Variants in FAM107B observed in about 807,000 individuals in gnomAD.
FAM107B encodes family with sequence similarity 107 member B.
FAM107B carries 21 observed loss-of-function variants against 31.5 expected under a neutral mutation model. The ratio of observed to expected loss-of-function variants is 0.67; its 90% CI spans 0.47 to 0.96. The LOEUF (loss-of-function observed/expected upper bound fraction) is 0.96, where lower values mean the gene tolerates loss of function less well. FAM107B is among the 40% of genes least tolerant of loss of function. The pLI, the probability that FAM107B is intolerant of heterozygous loss-of-function variation, is 0.00. For missense variants in FAM107B, 452 were observed against 377.1 expected (o/e 1.20, Z -1.64); for synonymous variants, 157 against 141.5 (o/e 1.11, Z -0.78).
chr10:14,771,364 T>G (rs1363068756), intron 1 of FAM107B, among the ~76,000 whole-genome samples: 1 of 152,244 alleles, frequency 6.6e-6, no homozygotes, highest in Non-Finnish European at 1.5e-5. Flanking sequence ...AGGAGTTGGT[T>G]ACTGGATACA....
chr10:14,765,237 T>G (rs1428678045), intron 1 of FAM107B, among the ~76,000 whole-genome samples: 1 of 152,262 alleles, frequency 6.6e-6, no homozygotes, highest in Non-Finnish European at 1.5e-5. Flanking sequence ...TTCCCTCATC[T>G]TTTATGTCTT....
intron 2 of FAM107B, among the ~76,000 whole-genome samples, chr10:14,572,736 A>ATATATATATATATATATAT (rs1455058375): frequency 2.2e-4 from 19 of 86,478 alleles, no homozygotes; most frequent in African/African-American, 7.2e-4. Flanking sequence ...AAAAAAAAAA[A>ATATATATATATATATATAT]ATTTATATAT....
chr10:14,763,250 G>A (rs1833093554), intron 1 of FAM107B, among the ~76,000 whole-genome samples: 3 of 152,174 alleles, frequency 2.0e-5, no homozygotes, highest in Non-Finnish European at 4.4e-5. Flanking sequence ...GACAGAGTGA[G>A]AGTCTGTCTC....
chr10:14,525,327 T>G (rs575310023), intron 3 of FAM107B, among the ~76,000 whole-genome samples: 1 of 152,294 alleles, frequency 6.6e-6, no homozygotes, highest in East Asian at 1.9e-4. Flanking sequence ...CAAGTCGGCT[T>G]CTCGGTCAGG....
chr10:14,583,370 A>G (rs1340734351), intron 2 of FAM107B, among the ~76,000 whole-genome samples: 1 of 152,076 alleles, frequency 6.6e-6, no homozygotes, highest in Non-Finnish European at 1.5e-5. Flanking sequence ...ACTGCAGGGA[A>G]AGTAGCTGCT....
intron 1 of FAM107B, among the ~76,000 whole-genome samples, chr10:14,749,468 C>G (rs368480): frequency 6.6e-6 from 1 of 152,226 alleles, no homozygotes; most frequent in Non-Finnish European, 1.5e-5. Context: ...CATATCAAAG[C>G]TAGAATGTGA....
intron 2 of FAM107B, among the ~76,000 whole-genome samples, chr10:14,629,427 A>AC (rs1564606855): frequency 8.5e-5 from 2 of 23,438 alleles, no homozygotes; most frequent in African/African-American, 3.1e-4. Context: ...TAATATATAT[A>AC]ATATATATTA....
At chr10:14,647,186 T>C (rs2131441436) in intron 2 of FAM107B, among the ~76,000 whole-genome samples, 1 of 152,196 alleles carries the variant, frequency 6.6e-6, no homozygotes, top group East Asian at 1.9e-4. Flanking sequence ...CACTCAATTA[T>C]AATTACAAAT....
At chr10:14,629,457 T>TTTAATATA (rs1853287401) in intron 2 of FAM107B, among the ~76,000 whole-genome samples, 2 of 36,892 alleles carry the variant, frequency 5.4e-5, no homozygotes, top group African/African-American at 2.5e-4. Flanking sequence ...TATATATATA[T>TTTAATATA]TATATATATA....
intron 1 of FAM107B, among the ~76,000 whole-genome samples, chr10:14,704,819 T>G (rs889053030): frequency 6.6e-6 from 1 of 151,802 alleles, no homozygotes; most frequent in Non-Finnish European, 1.5e-5. Flanking sequence ...AGATCAGAAG[T>G]TTGAGACCAG....
At chr10:14,631,142 G>C (rs764880955) in intron 2 of FAM107B, among the ~76,000 whole-genome samples, 3 of 152,158 alleles carry the variant, frequency 2.0e-5, no homozygotes, top group Non-Finnish European at 4.4e-5. Context: ...CCCCGGGACA[G>C]TTTGTAATTA....
chr10:14,666,947 A>G (rs964931824), intron 2 of FAM107B, among the ~76,000 whole-genome samples: 2 of 152,228 alleles, frequency 1.3e-5, no homozygotes, highest in African/African-American at 4.8e-5. Flanking sequence ...AGCCTTTGCC[A>G]GCAGCAAACA....
chr10:14,610,161 G>A (rs893077824), intron 2 of FAM107B, among the ~76,000 whole-genome samples: 10 of 152,168 alleles, frequency 6.6e-5, no homozygotes, highest in Admixed American at 6.5e-5. Context: ...GGCTAACACG[G>A]TGAAACCCCA....
At chr10:14,763,618 G>A (rs1833102734) in intron 1 of FAM107B, among the ~76,000 whole-genome samples, 1 of 152,064 alleles carries the variant, frequency 6.6e-6, no homozygotes, top group Admixed American at 6.5e-5. Context: ...CAGTCAAAAG[G>A]GCTGTCTTTC....
intron 2 of FAM107B, among the ~76,000 whole-genome samples, chr10:14,645,242 G>A (rs1177989086): frequency 6.6e-6 from 1 of 152,130 alleles, no homozygotes; most frequent in Non-Finnish European, 1.5e-5. Flanking sequence ...CTGCCCAAGG[G>A]TGCAATTCAC....
At chr10:14,682,776 G>C (rs1022958420) in intron 1 of FAM107B, among the ~76,000 whole-genome samples, 1 of 151,964 alleles carries the variant, frequency 6.6e-6, no homozygotes, top group East Asian at 1.9e-4. Context: ...AGCATTAGGA[G>C]AAATACCTAA....
intron 3 of FAM107B, among the ~76,000 whole-genome samples, chr10:14,525,889 C>T (rs148352352): frequency 1.3e-5 from 2 of 152,324 alleles, no homozygotes; most frequent in African/African-American, 4.8e-5. Context: ...TTCCCACCCC[C>T]AGAGTATGAA....
intron 1 of FAM107B, chr10:14,723,534 C>T (rs577372928): frequency 1.6e-6 from 1 of 634,064 alleles, no homozygotes; most frequent in South Asian, 1.6e-5. Flanking sequence ...GCATACACCA[C>T]ATCAAACCCA....
chr10:14,676,031 A>G (rs1177290030), intron 1 of FAM107B, among the ~76,000 whole-genome samples: 1 of 152,126 alleles, frequency 6.6e-6, no homozygotes, highest in Non-Finnish European at 1.5e-5. Context: ...GATGGTGCAC[A>G]CCTGTAGTCC....
Sources: gnomAD v4.1 joint callset for allele counts (sites outside exome capture counted in the v4.1 genomes callset) on GRCh38, gnomAD v4.1.1 for gene constraint, MANE v1.5 for transcripts, NCBI Gene and HGNC (gene_info 2026-07-23, HGNC 2026-07-21) for gene names.